Variants in PRSS23 observed in about 807,000 individuals in gnomAD.
The protein encoded by PRSS23 is protease, serine 23.
A neutral mutation model predicts 34.7 loss-of-function variants in PRSS23; 25 were observed. That is an observed-to-expected ratio of 0.72 (90% confidence interval 0.53 to 1.01). PRSS23 has a LOEUF of 1.01. PRSS23 is among the 50% of genes least tolerant of loss of function. The pLI is 0.00. For synonymous variants in PRSS23, 176 were observed against 186.6 expected (o/e 0.94, Z 0.46); for missense variants, 445 against 475.6 (o/e 0.94, Z 0.60).
intron 2 of PRSS23, among the ~76,000 whole-genome samples, chr11:86,925,197 T>TAG (rs1242833763): frequency 6.6e-6 from 1 of 152,202 alleles, no homozygotes; most frequent in Non-Finnish European, 1.5e-5. Context: ...GACTGGTTTG[T>TAG]AGAGCCCCTG....
chr11:86,826,912 T>C (rs1948306092), intron 2 of PRSS23, among the ~76,000 whole-genome samples: 1 of 152,192 alleles, frequency 6.6e-6, no homozygotes, highest in African/African-American at 2.4e-5. Flanking sequence ...TTATTGAGGA[T>C]TTTTGCATCG....
intron 2 of PRSS23, among the ~76,000 whole-genome samples, chr11:86,932,452 C>A (rs1355330790): frequency 6.6e-5 from 10 of 152,156 alleles, no homozygotes; most frequent in Admixed American, 5.9e-4. Context: ...TTGCTGGGGG[C>A]TGAGAGTGTG....
At chr11:86,803,691 T>C (rs1426242440) in intron 1 of PRSS23, among the ~76,000 whole-genome samples, 3 of 152,058 alleles carry the variant, frequency 2.0e-5, no homozygotes, top group East Asian at 1.9e-4. Flanking sequence ...CTTAAGAGCA[T>C]ACACACACAG....
chr11:86,886,643 T>G (rs941555900), intron 2 of PRSS23, among the ~76,000 whole-genome samples: 38 of 152,300 alleles, frequency 2.5e-4, no homozygotes, highest in African/African-American at 9.1e-4. Context: ...ATAGTCCCCA[T>G]AAAGTGGACT....
chr11:86,826,497 C>A (rs910529769), intron 2 of PRSS23, among the ~76,000 whole-genome samples: 41 of 152,110 alleles, frequency 2.7e-4, no homozygotes, highest in African/African-American at 9.4e-4. Context: ...CTTCTCCTGC[C>A]TAATTGCCCT....
chr11:86,833,473 GTATATA>G, intron 2 of PRSS23: 1 of 358,886 alleles, frequency 2.8e-6, no homozygotes, highest in Non-Finnish European at 5.3e-6. Context: ...GTTCGGACAT[GTATATA>G]TATATATATA....
At chr11:86,823,694 G>A (rs1341757927) in intron 2 of PRSS23, 1 of 666,046 alleles carries the variant, frequency 1.5e-6, no homozygotes, top group East Asian at 2.7e-5. Flanking sequence ...GCAAAGCAAT[G>A]TCACATTGGT....
rs1948128409 is a variant in PRSS23, at chr11:86,808,151, G to C, written c.508G>C (p.Val170Leu). ...CGGCACCCTGGTGGCAGAGAAGCAT[G>C]TCCTCACAGCTGCCCACTGCATACA... ...CTGTLVAEKH[V>L]LTAAHCIHDG... is the part of the protein sequence containing the mutation. Residue 170 changes from valine to leucine, a missense_variant, in exon 2 of 2, where the codon GTC (valine) becomes CTC (leucine). By Grantham distance (32) the Val-to-Leu change is conservative. Transcript: ENST00000280258. 6.2e-7 allele frequency: 1 copy of C among 1,614,090 alleles called. No homozygotes were observed. The highest frequency in any genetic ancestry group is 8.5e-7 in the Non-Finnish European group (1 of 1,180,050).
At chr11:86,853,240 G>T (rs894403401) in intron 2 of PRSS23, among the ~76,000 whole-genome samples, 3 of 107,640 alleles carry the variant, frequency 2.8e-5, no homozygotes, top group African/African-American at 1.2e-4. Flanking sequence ...ACAAGTGCCT[G>T]CCTTTTTTTT....
intron 1 of PRSS23, among the ~76,000 whole-genome samples, chr11:86,816,450 A>G (rs1948215863): frequency 6.6e-6 from 1 of 152,162 alleles, no homozygotes; most frequent in Admixed American, 6.5e-5. Flanking sequence ...TGGAATTGCC[A>G]CTTTGTAAAT....
At chr11:86,867,191 G>T (rs1268176342) in intron 2 of PRSS23, among the ~76,000 whole-genome samples, 1 of 152,176 alleles carries the variant, frequency 6.6e-6, no homozygotes, top group Non-Finnish European at 1.5e-5. Flanking sequence ...CATCTGGAAT[G>T]CTCTCCCTCA....
intron 2 of PRSS23, among the ~76,000 whole-genome samples, chr11:86,886,935 T>C (rs989619776): frequency 6.6e-6 from 1 of 151,996 alleles, no homozygotes; most frequent in Non-Finnish European, 1.5e-5. Flanking sequence ...AGAGTGAGAC[T>C]CCATCTAAAA....
At chr11:86,803,412 T>G (rs1234299240) in intron 1 of PRSS23, among the ~76,000 whole-genome samples, 1 of 152,222 alleles carries the variant, frequency 6.6e-6, no homozygotes, top group Non-Finnish European at 1.5e-5. Flanking sequence ...GTGTTTATGT[T>G]TAAGTAAACT....
chr11:86,867,649 G>T (rs1471309428), intron 2 of PRSS23, among the ~76,000 whole-genome samples: 4 of 152,144 alleles, frequency 2.6e-5, no homozygotes, highest in African/African-American at 9.7e-5. Context: ...AGAGGCCAAG[G>T]CTGGAGAATT....
intron 2 of PRSS23, among the ~76,000 whole-genome samples, chr11:86,836,251 T>C (rs1192253364): frequency 6.6e-6 from 1 of 152,160 alleles, no homozygotes; most frequent in African/African-American, 2.4e-5. Flanking sequence ...GCAGGGGCTA[T>C]TGCACGGTTT....
In PRSS23 at chr11:86,882,499, G is replaced by C. The variant is rs141945041; in HGVS notation, c.206+58906G>C. 6.9e-3 allele frequency among the ~76,000 whole-genome samples: 1,041 copies of C among 151,908 alleles called. 11 individuals are homozygous for C. The highest frequency in any genetic ancestry group is 0.024 in the African/African-American group (1,009 of 41,420). On this transcript the variant is annotated intron_variant, in intron 2 of 2. Transcript: ENST00000533902. ...CCGTGTCAGTTTGCTAAGGATAATG[G>C]CCTCCAGCTCCATCCATGTCCCTAC...
At chr11:86,887,689 G>T (rs1168760423) in intron 2 of PRSS23, among the ~76,000 whole-genome samples, 1 of 152,148 alleles carries the variant, frequency 6.6e-6, no homozygotes, top group Non-Finnish European at 1.5e-5. Flanking sequence ...GGAGCTCATA[G>T]TCCGGTGTAC....
chr11:86,851,015 C>A (rs1350112268), intron 2 of PRSS23, among the ~76,000 whole-genome samples: 1 of 152,172 alleles, frequency 6.6e-6, no homozygotes, highest in East Asian at 1.9e-4. Context: ...CACACCAATT[C>A]TTTGGCGTGG....
At chr11:86,909,713 T>C (rs948432802) in intron 2 of PRSS23, 1 of 152,206 alleles carries the variant, frequency 6.6e-6, no homozygotes, top group Admixed American at 6.5e-5. Context: ...CATAATGCTG[T>C]GATCCTTTGT....
Sources: gnomAD v4.1 joint callset for allele counts (sites outside exome capture counted in the v4.1 genomes callset) on GRCh38, gnomAD v4.1.1 for gene constraint, MANE v1.5 for transcripts, NCBI Gene and HGNC (gene_info 2026-07-23, HGNC 2026-07-21) for gene names.